Variants in ABCG2 observed in about 807,000 individuals in gnomAD.
ABCG2 encodes broad substrate specificity ATP-binding cassette transporter ABCG2.
ABCG2 carries 80 observed loss-of-function variants against 73.5 expected under a neutral mutation model. The ratio of observed to expected loss-of-function variants is 1.09; its 90% CI spans 0.91 to 1.31. ABCG2 has a LOEUF of 1.31. ABCG2 is among the 50% of genes most tolerant of loss of function. The probability of loss-of-function intolerance (pLI) is 0.00; values close to 1 mark genes in which losing one functional copy is unlikely to be tolerated. For synonymous variants in ABCG2, 269 were observed against 282.4 expected (o/e 0.95, Z 0.48); for missense variants, 796 against 786.2 (o/e 1.01, Z -0.15).
chr4:88,198,390 T>C (rs1434337597), intron 1 of ABCG2, among the ~76,000 whole-genome samples: 1 of 151,994 alleles, frequency 6.6e-6, no homozygotes, highest in East Asian at 1.9e-4. Context: ...CCCAGCACTT[T>C]GGGGGACCCA....
intron 1 of ABCG2, among the ~76,000 whole-genome samples, chr4:88,187,700 CA>C (rs1345039431): frequency 6.6e-6 from 1 of 152,126 alleles, no homozygotes; most frequent in Admixed American, 6.6e-5. Context: ...ATGCCTATGT[CA>C]AAATATCTCA....
chr4:88,186,350 T>C (rs1437640736), intron 1 of ABCG2, among the ~76,000 whole-genome samples: 1 of 152,118 alleles, frequency 6.6e-6, no homozygotes, highest in Admixed American at 6.6e-5. Flanking sequence ...GAACGGTGGT[T>C]AGGGGCCAGG....
At chr4:88,122,604 C>T (rs954491432) in intron 5 of ABCG2, among the ~76,000 whole-genome samples, 8 of 152,146 alleles carry the variant, frequency 5.3e-5, no homozygotes, top group African/African-American at 1.9e-4. Flanking sequence ...AGCCAGACTG[C>T]CTCTCTAGAT....
chr4:88,187,235 C>A (rs1728502987), intron 1 of ABCG2, among the ~76,000 whole-genome samples: 1 of 151,178 alleles, frequency 6.6e-6, no homozygotes, highest in Non-Finnish European at 1.5e-5. Context: ...GATAGCACAA[C>A]TGGGTGATTA....
At chr4:88,093,781 A>C (rs1369230769) in intron 15 of ABCG2, among the ~76,000 whole-genome samples, 1 of 152,228 alleles carries the variant, frequency 6.6e-6, no homozygotes, top group Non-Finnish European at 1.5e-5. Context: ...GATTGAGGAT[A>C]ATATCAACAT....
chr4:88,185,707 A>G (rs999264861), intron 1 of ABCG2, among the ~76,000 whole-genome samples: 3 of 152,234 alleles, frequency 2.0e-5, no homozygotes, highest in African/African-American at 7.2e-5. Flanking sequence ...CTGAACAGAC[A>G]TTTCTCAAAA....
intron 1 of ABCG2, among the ~76,000 whole-genome samples, chr4:88,156,903 G>A (rs1345606365): frequency 1.3e-5 from 2 of 152,096 alleles, no homozygotes; most frequent in Admixed American, 1.3e-4. Flanking sequence ...TCAGGAGTTC[G>A]AGACCAGCCT....
intron 1 of ABCG2, among the ~76,000 whole-genome samples, chr4:88,180,729 G>C (rs1728202386): frequency 6.6e-6 from 1 of 152,060 alleles, no homozygotes; most frequent in African/African-American, 2.4e-5. Context: ...CCCTAACCTA[G>C]CTAACAGAGT....
intron 1 of ABCG2, among the ~76,000 whole-genome samples, chr4:88,183,696 T>G (rs772639164): frequency 6.6e-6 from 1 of 152,000 alleles, no homozygotes; most frequent in Non-Finnish European, 1.5e-5. Flanking sequence ...GAGGGAATAA[T>G]TCCAAACTCA....
chr4:88,207,868 T>C (rs1729440749), intron 1 of ABCG2, among the ~76,000 whole-genome samples: 1 of 152,188 alleles, frequency 6.6e-6, no homozygotes, highest in Non-Finnish European at 1.5e-5. Context: ...TCAATATCCC[T>C]GTCAGGGCAC....
chr4:88,122,193 C>T (rs931399246), intron 5 of ABCG2, among the ~76,000 whole-genome samples: 1 of 152,148 alleles, frequency 6.6e-6, no homozygotes, highest in Admixed American at 6.5e-5. Flanking sequence ...CCCGCAGGTG[C>T]CTACATCACC....
intron 9 of ABCG2, among the ~76,000 whole-genome samples, chr4:88,110,832 T>C (rs1723089065): frequency 6.6e-6 from 1 of 152,094 alleles, no homozygotes; most frequent in South Asian, 2.1e-4. Flanking sequence ...AAAATATATA[T>C]TGCCTACTCC....
At chr4:88,203,443 G>A (rs1291321804) in intron 1 of ABCG2, among the ~76,000 whole-genome samples, 1 of 152,130 alleles carries the variant, frequency 6.6e-6, no homozygotes, top group Non-Finnish European at 1.5e-5. Flanking sequence ...TCGAATATTG[G>A]AGCTTAAATA....
At chr4:88,099,286 C>A in intron 12 of ABCG2, 38 bp downstream of exon 12, 2 of 1,532,006 alleles carry the variant, frequency 1.3e-6, no homozygotes, top group Non-Finnish European at 1.8e-6. Context: ...ATAGGCAAGA[C>A]TAAAGACATG....
intron 2 of ABCG2, 111 bp from the exon 3 acceptor site, chr4:88,132,746 C>T: frequency 8.2e-7 from 1 of 1,222,008 alleles, no homozygotes; most frequent in Non-Finnish European, 1.2e-6. Context: ...ACAAATAGAA[C>T]ACAAGCACAA....
intron 1 of ABCG2, among the ~76,000 whole-genome samples, chr4:88,166,403 A>G (rs745884020): frequency 1.3e-5 from 2 of 152,184 alleles, no homozygotes; most frequent in Non-Finnish European, 2.9e-5. Context: ...CCCTTTTCCC[A>G]TATTATTGGC....
At chr4:88,107,079 T>C in intron 10 of ABCG2, 105 bp downstream of exon 10, 1 of 829,252 alleles carries the variant, frequency 1.2e-6, no homozygotes, top group South Asian at 1.8e-5. Flanking sequence ...AATAAAAGAA[T>C]GACATTTACA....
At chr4:88,159,817 A>T (rs900805059), upstream of ABCG2, among the ~76,000 whole-genome samples, 2 of 152,234 alleles carry the variant, frequency 1.3e-5, no homozygotes, top group African/African-American at 4.8e-5. Context: ...CATGCTTTTT[A>T]AAAGAATTTT....
At chr4:88,174,066 C>T (rs1384110637) in intron 1 of ABCG2, among the ~76,000 whole-genome samples, 1 of 151,812 alleles carries the variant, frequency 6.6e-6, no homozygotes, top group Non-Finnish European at 1.5e-5. Context: ...CAGAATGTGA[C>T]TGTATTTGTA....
Sources: allele counts gnomAD v4.1 joint callset (sites outside exome capture counted in the v4.1 genomes callset), GRCh38; gene constraint gnomAD v4.1.1; transcripts MANE v1.5; gene names NCBI Gene and HGNC (gene_info 2026-07-23, HGNC 2026-07-21).